The following SKP2 variants were observed in gnomAD, a reference collection of about 807,000 sequenced individuals.
SKP2 encodes S-phase kinase-associated protein 2.
In SKP2, 16 loss-of-function variants were observed where a neutral mutation model predicts 51.8. That is an observed-to-expected ratio of 0.31 (90% CI 0.21 to 0.47). The LOEUF is 0.47. SKP2 is among the 20% of genes least tolerant of loss of function. The pLI is 1.00. For synonymous variants in SKP2, 176 were observed against 198.6 expected (o/e 0.89, Z 0.96); for missense variants, 377 against 505.3 (o/e 0.75, Z 2.43).
intron 9 of SKP2, chr5:36,180,121 C>T (rs781325973): frequency 2.9e-5 from 14 of 478,288 alleles, no homozygotes; most frequent in Non-Finnish European, 5.8e-5. Flanking sequence ...ATCTGCCATT[C>T]CTCCTTTTCT....
chr5:36,153,335 G>T (rs971617251), intron 2 of SKP2, among the ~76,000 whole-genome samples: 3 of 151,994 alleles, frequency 2.0e-5, no homozygotes, highest in African/African-American at 7.3e-5. Flanking sequence ...CTGCCTCAAG[G>T]CCAGCTCAGT....
chr5:36,189,074 A>G (rs1301984905), downstream of SKP2, among the ~76,000 whole-genome samples: 3 of 152,138 alleles, frequency 2.0e-5, no homozygotes, highest in African/African-American at 7.2e-5. Flanking sequence ...TTTCAGCTCC[A>G]TCAGGTTATT....
rs756009743 is a variant in SKP2, at chr5:36,152,807, C to G, written c.45C>G (p.Asn15Lys). The G allele has an allele frequency of 6.2e-7, 1 of 1,614,048 alleles. No individual in the cohort carries two copies. Among genetic ancestry groups the G allele is most frequent in the Non-Finnish European group, 8.5e-7 (1 of 1,180,030 alleles). Residue 15 changes from asparagine (N) to lysine (K), a missense_variant, in exon 2 of 10, where the codon AAC becomes AAG. Around this residue, in one of 2 missense-constraint regions of SKP2, gnomAD observed 115 missense variants for 115.5 expected, o/e 1.00. Transcript: ENST00000274255. ...AGGAGATTCCAGACCTGAGTAGCAA[C>G]GTTGCCACCAGCTTCACGTGGGGAT... ...HLQEIPDLSS[N>K]VATSFTWGWD...
At chr5:36,188,017 G>T (rs1362867074), downstream of SKP2, among the ~76,000 whole-genome samples, 2 of 152,076 alleles carry the variant, frequency 1.3e-5, no homozygotes, top group Non-Finnish European at 2.9e-5. Flanking sequence ...ATCTTTGTTG[G>T]TTTAAAGTCT....
At chr5:36,170,233 A>G in intron 5 of SKP2, 111 bp from the exon 6 acceptor site, 1 of 591,438 alleles carries the variant, frequency 1.7e-6, no homozygotes, top group Non-Finnish European at 3.0e-6. Flanking sequence ...TTTTAAACTC[A>G]CTGACTCAAA....
intron 7 of SKP2, 152 bp downstream of exon 7, chr5:36,171,885 G>T: frequency 2.8e-6 from 2 of 724,010 alleles, no homozygotes; most frequent in South Asian, 4.2e-5. Flanking sequence ...CTGCTAATCA[G>T]AATGGTTAGG....
At chr5:36,161,336 G>A (rs907575627) in intron 2 of SKP2, among the ~76,000 whole-genome samples, 1 of 151,796 alleles carries the variant, frequency 6.6e-6, no homozygotes, top group Non-Finnish European at 1.5e-5. Context: ...GAGCTCCTGG[G>A]GGTCTAGAGA....
At chr5:36,177,436 G>A in intron 9 of SKP2, 144 bp downstream of exon 9, 1 of 726,330 alleles carries the variant, frequency 1.4e-6, no homozygotes, top group Non-Finnish European at 2.5e-6. Flanking sequence ...TGAAAGACCA[G>A]CAGAGTATTG....
rs948901492 is a variant in SKP2, at chr5:36,166,759, C to A, written c.536+97C>A. ...TTTTTTTCTTTCTTCAGCCTTAAAG[C>A]CTATGGTAGGTTATCTGTGCAGTGT... On this transcript the variant is annotated intron_variant, in intron 4 of 9. Transcript: ENST00000274255. 40 of 1,090,370 alleles carry A rather than the reference C, an allele frequency of 3.7e-5. 1 individual carries two copies. The Admixed American group carries it at 4.3e-4, about 12-fold the overall frequency. 67.5% of individuals were successfully genotyped at this position (1,090,370 alleles called of 1,614,324 possible). A position where few individuals can be genotyped will look rare whatever the true frequency, so the allele number is the denominator to read the frequency against.
intron 6 of SKP2, among the ~76,000 whole-genome samples, chr5:36,170,949 A>C (rs1745452769): frequency 6.6e-6 from 1 of 152,198 alleles, no homozygotes; most frequent in Non-Finnish European, 1.5e-5. Flanking sequence ...AGTACTAGGC[A>C]TATGTGTGTT....
intron 3 of SKP2, among the ~76,000 whole-genome samples, chr5:36,164,908 G>A (rs1055667961): frequency 2.0e-5 from 3 of 152,008 alleles, no homozygotes; most frequent in Non-Finnish European, 4.4e-5. Flanking sequence ...CCTATTTTTT[G>A]TGGCAAAAGC....
chr5:36,181,407 A>G (rs1431215099), intron 9 of SKP2, among the ~76,000 whole-genome samples: 1 of 152,194 alleles, frequency 6.6e-6, no homozygotes, highest in East Asian at 1.9e-4. Context: ...CTTAATTTGC[A>G]TGTAACCTGT....
At chr5:36,181,446 C>G (rs1275906638) in intron 9 of SKP2, among the ~76,000 whole-genome samples, 6 of 152,186 alleles carry the variant, frequency 3.9e-5, no homozygotes, top group African/African-American at 1.2e-4. Flanking sequence ...CGCAGTAAAA[C>G]ATTTGCTTTT....
rs1452356706 is a variant in SKP2 at position 36,182,624 on chromosome 5, C to T, written c.*593C>T. 1 of 981,960 alleles carries T rather than the reference C, an allele frequency of 1.0e-6. No homozygotes were observed. The allele number at this position is 981,960 out of a possible 1,614,324, so 60.8% of individuals were successfully genotyped here. On this transcript the variant is annotated 3_prime_UTR_variant, in exon 10 of 10. Coordinates refer to ENST00000274255, the MANE Select transcript of SKP2 (RefSeq NM_005983.4). ...TAACCCCATGTAATTCACCTTAAAA[C>T]TTAACAAAAGACCAAACATTACAAA...
In SKP2 at chr5:36,168,399, T is replaced by G; in HGVS notation, c.623T>G (p.Leu208Trp). 1 of 1,614,202 alleles carries G rather than the reference T, an allele frequency of 6.2e-7. No individual in the cohort carries two copies. The highest frequency in any genetic ancestry group is 8.5e-7 in the Non-Finnish European group (1 of 1,180,020). The change falls in exon 5 of 10, where the codon TTG becomes TGG. Residue 208 changes from leucine to tryptophan, a missense_variant. Leu to Trp is a moderately conservative substitution (Grantham distance 61). Around this residue, in one of 2 missense-constraint regions of SKP2, gnomAD observed 262 missense variants for 389.8 expected, o/e 0.67. Coordinates refer to ENST00000274255, the MANE Select transcript of SKP2 (RefSeq NM_005983.4). ...GGCATACTGTCTCAGTGTTCCAAGT[T>G]GCAGAATCTAAGCCTGGAAGGCCTG... Reference protein sequence around the residue: ...LHGILSQCSKLQNLSLEGLRL... With the variant: ...LHGILSQCSKWQNLSLEGLRL...
At chr5:36,166,370 A>T in intron 3 of SKP2, 149 bp from the exon 4 acceptor site, 1 of 610,376 alleles carries the variant, frequency 1.6e-6, no homozygotes, top group Non-Finnish European at 2.8e-6. Flanking sequence ...TATCATAGCT[A>T]ATTGTATAGC....
chr5:36,188,594 A>G (rs2910621), downstream of SKP2, among the ~76,000 whole-genome samples: 93,315 of 152,056 alleles, frequency 0.61, 29,078 homozygotes, highest in South Asian at 0.79. Flanking sequence ...TCTGCCGAGA[A>G]ATCCACTGTT....
intron 6 of SKP2, among the ~76,000 whole-genome samples, chr5:36,171,191 T>C (rs1745460697): frequency 6.6e-6 from 1 of 152,204 alleles, no homozygotes; most frequent in Non-Finnish European, 1.5e-5. Context: ...CGAAGTGGCT[T>C]TTTGCAATAT....
chr5:36,178,566 T>C (rs951556414), intron 9 of SKP2, among the ~76,000 whole-genome samples: 23 of 152,068 alleles, frequency 1.5e-4, no homozygotes, highest in Admixed American at 1.0e-3. Flanking sequence ...CATGAAACTC[T>C]TATTAAAATC....
Sources: allele counts gnomAD v4.1 joint callset (sites outside exome capture counted in the v4.1 genomes callset), GRCh38; gene constraint gnomAD v4.1.1; regional missense constraint gnomAD v4.1.1; transcripts MANE v1.5; gene names NCBI Gene and HGNC (gene_info 2026-07-23, HGNC 2026-07-21).